CACNG2: variants seen among roughly 807,000 people sequenced by gnomAD.
CACNG2 encodes the protein calcium voltage-gated channel auxiliary subunit gamma 2.
A neutral mutation model predicts 25.9 loss-of-function variants in CACNG2; 3 were observed. That is an observed-to-expected ratio of 0.12 (90% CI 0.05 to 0.30). The LOEUF is 0.30. Among genes scored for constraint, CACNG2 ranks in the 10% least tolerant of loss-of-function variants. The pLI is 1.00. For missense variants in CACNG2, 341 were observed against 432.5 expected, an observed-to-expected ratio of 0.79 and a Z score of 1.88; for synonymous variants, 167 against 173.3, an observed-to-expected ratio of 0.96 and a Z score of 0.29.
At chr22:36,702,218 T>G (rs1937418641) in intron 1 of CACNG2, 148 bp downstream of exon 1, 1 of 638,530 alleles carries the variant, frequency 1.6e-6, no homozygotes, top group Admixed American at 2.4e-5. Flanking sequence ...CCTCTGAAAC[T>G]AACCCAACCA....
chr22:36,596,355 G>A (rs565728880), intron 1 of CACNG2, among the ~76,000 whole-genome samples: 16 of 152,346 alleles, frequency 1.1e-4, no homozygotes, highest in African/African-American at 3.6e-4. Context: ...AGCCCCCTGG[G>A]GCACAGCGCA....
chr22:36,687,666 G>T (rs745969041), intron 1 of CACNG2, among the ~76,000 whole-genome samples: 1 of 152,178 alleles, frequency 6.6e-6, no homozygotes, highest in Non-Finnish European at 1.5e-5. Flanking sequence ...GGTTGCAGAT[G>T]GAATTAAGGC....
At chr22:36,679,201 T>TTTCTTTCTTC (rs1569049868) in intron 1 of CACNG2, among the ~76,000 whole-genome samples, 1 of 69,416 alleles carries the variant, frequency 1.4e-5, no homozygotes, top group African/African-American at 6.2e-5. Flanking sequence ...TTCCTTCCTT[T>TTTCTTTCTTC]CTTTCTTTCT....
At chr22:36,623,011 GGTTTTT>G (rs1936130861) in intron 1 of CACNG2, among the ~76,000 whole-genome samples, 1 of 93,202 alleles carries the variant, frequency 1.1e-5, no homozygotes, top group Non-Finnish European at 2.0e-5. Flanking sequence ...TCAAAACATG[GGTTTTT>G]TTTTTTTTTT....
intron 1 of CACNG2, among the ~76,000 whole-genome samples, chr22:36,639,730 C>T (rs576038063): frequency 1.3e-5 from 2 of 152,284 alleles, no homozygotes; most frequent in East Asian, 3.9e-4. Flanking sequence ...GAGTTGGCAG[C>T]TGTGGTTTCA....
At chr22:36,620,284 A>G (rs576140830) in intron 1 of CACNG2, among the ~76,000 whole-genome samples, 1 of 152,346 alleles carries the variant, frequency 6.6e-6, no homozygotes, top group South Asian at 2.1e-4. Flanking sequence ...TCAGAGAGGC[A>G]TTCCTTTCCT....
At chr22:36,631,095 C>G (rs1376511028) in intron 1 of CACNG2, among the ~76,000 whole-genome samples, 3 of 152,170 alleles carry the variant, frequency 2.0e-5, no homozygotes, top group Non-Finnish European at 2.9e-5. Flanking sequence ...TCCCAAAGTG[C>G]TTGGATTACA....
intron 1 of CACNG2, among the ~76,000 whole-genome samples, chr22:36,668,432 A>G (rs999793653): frequency 6.6e-6 from 1 of 152,184 alleles, no homozygotes; most frequent in African/African-American, 2.4e-5. Flanking sequence ...ACGCTTGAGA[A>G]CAAGAAAGCT....
chr22:36,599,079 C>T (rs769400550), intron 1 of CACNG2, among the ~76,000 whole-genome samples: 16 of 152,134 alleles, frequency 1.1e-4, no homozygotes, highest in African/African-American at 2.9e-4. Flanking sequence ...TACATGCACA[C>T]GATGTATGAG....
chr22:36,569,433 G>T (rs1305843164), intron 2 of CACNG2, among the ~76,000 whole-genome samples: 1 of 152,216 alleles, frequency 6.6e-6, no homozygotes, highest in Non-Finnish European at 1.5e-5. Context: ...GGAGAACTGG[G>T]TTTGGGTCCC....
intron 1 of CACNG2, among the ~76,000 whole-genome samples, chr22:36,610,622 G>A (rs1429289669): frequency 1.3e-5 from 2 of 152,210 alleles, no homozygotes; most frequent in Non-Finnish European, 2.9e-5. Flanking sequence ...GAGGACAGAG[G>A]AGTGACCCCC....
intron 1 of CACNG2, among the ~76,000 whole-genome samples, chr22:36,696,278 A>G (rs573948550): frequency 6.6e-6 from 1 of 151,426 alleles, no homozygotes; most frequent in South Asian, 2.1e-4. Context: ...CTTTTTTACT[A>G]TTGTCCTTTA....
In CACNG2 at chr22:36,566,419, C is replaced by T. The variant is rs776100699; in HGVS notation, c.370G>A (p.Ala124Thr). Residue 124 changes from alanine (A) to threonine (T), a missense_variant, in exon 3 of 4, where the codon GCC becomes ACC. By Grantham distance (58) the Ala-to-Thr change is moderately conservative. This residue lies in a region of CACNG2 where 169 missense variants were observed against 254.4 expected (regional missense o/e 0.66). Transcript: ENST00000300105. The stretch of plus-strand genomic sequence containing the variant: ...TGTCGAGTTTTGTAGAACTCGCTGG[C>T]TGCGATGCAGAGGCCACCCATGAAA... ...LLFMGGLCIA[A>T]SEFYKTRHNI... is the part of the protein sequence containing the mutation. 8.7e-6 allele frequency: 14 copies of T among 1,614,020 alleles called. No homozygotes were observed. The highest frequency in any genetic ancestry group is 1.3e-5 in the African/African-American group (1 of 74,924).
intron 1 of CACNG2, among the ~76,000 whole-genome samples, chr22:36,678,894 C>T (rs1272356545): frequency 6.6e-6 from 1 of 152,132 alleles, no homozygotes; most frequent in Admixed American, 6.5e-5. Flanking sequence ...TCCATCTCAT[C>T]GCACACCGTC....
chr22:36,574,438 A>C (rs989305449), intron 2 of CACNG2, among the ~76,000 whole-genome samples: 1 of 152,118 alleles, frequency 6.6e-6, no homozygotes, highest in Non-Finnish European at 1.5e-5. Flanking sequence ...TGGGTGGAAA[A>C]AACCACTTAG....
intron 1 of CACNG2, among the ~76,000 whole-genome samples, chr22:36,620,101 C>T (rs1014865179): frequency 1.3e-5 from 2 of 152,256 alleles, no homozygotes; most frequent in Non-Finnish European, 2.9e-5. Context: ...TACACACACA[C>T]ACACAGTGCC....
chr22:36,683,786 C>A lies in CACNG2; in HGVS notation c.211+18580G>T, dbSNP rs73417605. Among the ~76,000 whole-genome samples, 4 of 152,136 alleles carry A rather than the reference C, an allele frequency of 2.6e-5. No homozygotes were observed. In the East Asian group the frequency reaches 7.7e-4, roughly 29 times the overall value. ...CATCTCCTGAACACCCTGGAGGAAA[C>A]CAAAGGGAAAATCCTTCAGTACAAA... On this transcript the variant is annotated intron_variant, in intron 1 of 3. Coordinates refer to ENST00000300105, the MANE Select transcript of CACNG2 (RefSeq NM_006078.5).
intron 1 of CACNG2, among the ~76,000 whole-genome samples, chr22:36,680,103 T>A (rs541649087): frequency 2.0e-5 from 3 of 148,682 alleles, no homozygotes; most frequent in South Asian, 2.1e-4. Flanking sequence ...TCAGGATCAC[T>A]GCCACCTGCA....
At chr22:36,598,528 G>T (rs185520096) in intron 1 of CACNG2, among the ~76,000 whole-genome samples, 1 of 151,900 alleles carries the variant, frequency 6.6e-6, no homozygotes, top group East Asian at 1.9e-4. Flanking sequence ...TGAGGCCTGA[G>T]AATCACTTGA....
Sources: gnomAD v4.1 joint callset for allele counts (sites outside exome capture counted in the v4.1 genomes callset) on GRCh38, gnomAD v4.1.1 for gene constraint, gnomAD v4.1.1 regional missense constraint, MANE v1.5 for transcripts, NCBI Gene and HGNC (gene_info 2026-07-23, HGNC 2026-07-21) for gene names.